The following KCNK10 variants were observed in gnomAD, a reference collection of about 807,000 sequenced individuals.
The protein encoded by KCNK10 is potassium two pore domain channel subfamily K member 10.
In KCNK10, 25 loss-of-function variants were observed where a neutral mutation model predicts 47.7. The ratio of observed to expected loss-of-function variants is 0.52; its 90% CI spans 0.38 to 0.73. The LOEUF is 0.73. Ranked by LOEUF, KCNK10 falls within the 30% of genes least tolerant of loss-of-function variation. KCNK10 has a pLI of 0.00. For synonymous variants in KCNK10, 303 were observed against 285.6 expected (o/e 1.06, Z -0.61); for missense variants, 563 against 714.5 (o/e 0.79, Z 2.42).
intron 2 of KCNK10, among the ~76,000 whole-genome samples, chr14:88,256,218 C>T (rs535410734): frequency 1.1e-4 from 16 of 152,248 alleles, no homozygotes; most frequent in African/African-American, 3.9e-4. Context: ...ATTAAAGGGG[C>T]CTGGCCCTTC....
At chr14:88,212,327 C>A (rs1184149686) in intron 4 of KCNK10, among the ~76,000 whole-genome samples, 1 of 151,514 alleles carries the variant, frequency 6.6e-6, no homozygotes. Flanking sequence ...GTAGTCCCAG[C>A]GATACAGGAG....
intron 4 of KCNK10, among the ~76,000 whole-genome samples, chr14:88,218,556 C>T (rs1208293784): frequency 7.0e-6 from 1 of 143,464 alleles, no homozygotes; most frequent in African/African-American, 2.5e-5. Context: ...GGGGGGAAAG[C>T]CAAAAAAAGA....
upstream of KCNK10, chr14:88,326,353 A>T: frequency 7.1e-7 from 1 of 1,414,986 alleles, no homozygotes; most frequent in Non-Finnish European, 1.0e-6. Context: ...CCTTTGGGCT[A>T]CTGCAATCCC....
At chr14:88,311,560 G>A (rs1253590310) in intron 1 of KCNK10, among the ~76,000 whole-genome samples, 1 of 152,162 alleles carries the variant, frequency 6.6e-6, no homozygotes, top group Admixed American at 6.5e-5. Flanking sequence ...ACCAGACTGT[G>A]AGTGCAGGAG....
At chr14:88,314,816 T>C (rs1044930358) in intron 1 of KCNK10, among the ~76,000 whole-genome samples, 4 of 152,232 alleles carry the variant, frequency 2.6e-5, no homozygotes, top group Non-Finnish European at 2.9e-5. Flanking sequence ...CTAAGAGCTT[T>C]GCATGTATCA....
chr14:88,258,774 T>C (rs1887030452), intron 2 of KCNK10, among the ~76,000 whole-genome samples: 1 of 152,282 alleles, frequency 6.6e-6, no homozygotes, highest in South Asian at 2.1e-4. Context: ...CCCATTACTC[T>C]CCTCTGGAGT....
chr14:88,190,610 T>A (rs766279402), intron 5 of KCNK10, among the ~76,000 whole-genome samples: 13 of 152,094 alleles, frequency 8.5e-5, no homozygotes, highest in Non-Finnish European at 1.5e-4. Context: ...TTAGTCACAC[T>A]GACTAAAAAT....
At chr14:88,212,384 G>A (rs1885489892) in intron 4 of KCNK10, among the ~76,000 whole-genome samples, 1 of 151,720 alleles carries the variant, frequency 6.6e-6, no homozygotes, top group African/African-American at 2.4e-5. Flanking sequence ...AGGTTGCGGT[G>A]AGCCAAGATC....
chr14:88,217,002 C>A (rs1352476008), intron 4 of KCNK10, among the ~76,000 whole-genome samples: 2 of 151,968 alleles, frequency 1.3e-5, no homozygotes, highest in African/African-American at 4.8e-5. Context: ...TAAAAATATA[C>A]AAAAATTAGC....
At chr14:88,301,498 A>T (rs1378253725) in intron 1 of KCNK10, among the ~76,000 whole-genome samples, 2 of 152,126 alleles carry the variant, frequency 1.3e-5, no homozygotes, top group Non-Finnish European at 2.9e-5. Context: ...TAGAGGCATG[A>T]TGCAGAGACT....
At chr14:88,238,294 T>G (rs1249029472) in intron 3 of KCNK10, among the ~76,000 whole-genome samples, 3 of 152,232 alleles carry the variant, frequency 2.0e-5, no homozygotes, top group Admixed American at 6.5e-5. Context: ...CACTACAATT[T>G]TCTCCATATC....
At chr14:88,214,283 T>C (rs2139855295) in intron 4 of KCNK10, among the ~76,000 whole-genome samples, 1 of 152,248 alleles carries the variant, frequency 6.6e-6, no homozygotes, top group African/African-American at 2.4e-5. Flanking sequence ...TGAGGCATTC[T>C]GATGAGCCCA....
chr14:88,252,070 T>C (rs1220634773), intron 2 of KCNK10, among the ~76,000 whole-genome samples: 1 of 152,176 alleles, frequency 6.6e-6, no homozygotes, highest in African/African-American at 2.4e-5. Flanking sequence ...ATATTTTATA[T>C]TTCAAACCAA....
At chr14:88,323,660 C>CGGCG (rs1178375687), upstream of KCNK10, 2 of 151,102 alleles carry the variant, frequency 1.3e-5, no homozygotes, top group Non-Finnish European at 3.0e-5. Flanking sequence ...CTCGGCCGGC[C>CGGCG]GGCGGGCGGG....
intron 4 of KCNK10, among the ~76,000 whole-genome samples, chr14:88,214,838 T>G (rs1885569054): frequency 6.6e-6 from 1 of 152,216 alleles, no homozygotes; most frequent in Non-Finnish European, 1.5e-5. Flanking sequence ...TTCTCTCAAC[T>G]AGCCATTTTT....
chr14:88,269,800 T>C (rs1195423259), intron 1 of KCNK10, among the ~76,000 whole-genome samples: 3 of 152,066 alleles, frequency 2.0e-5, no homozygotes, highest in South Asian at 2.1e-4. Flanking sequence ...TCTGCCCCCA[T>C]TGATAGATGA....
chr14:88,234,470 A>T (rs1006860227), intron 3 of KCNK10, among the ~76,000 whole-genome samples: 1 of 152,232 alleles, frequency 6.6e-6, no homozygotes, highest in Non-Finnish European at 1.5e-5. Context: ...TTAAAACAAA[A>T]GCAAAAACCT....
intron 4 of KCNK10, among the ~76,000 whole-genome samples, chr14:88,198,899 T>TATTTTATTTTATTTTA (rs1885009651): frequency 6.9e-6 from 1 of 144,656 alleles, no homozygotes; most frequent in Admixed American, 6.9e-5. Flanking sequence ...TGTCTTATTT[T>TATTTTATTTTATTTTA]ATTTTATTTT....
chr14:88,197,689 C>T (rs375892791), intron 4 of KCNK10, among the ~76,000 whole-genome samples: 7 of 136,372 alleles, frequency 5.1e-5, no homozygotes, highest in African/African-American at 1.6e-4. Context: ...TTGCTGTTAA[C>T]ATTTGAAGAT....
Sources: gnomAD v4.1 joint callset for allele counts (sites outside exome capture counted in the v4.1 genomes callset) on GRCh38, gnomAD v4.1.1 for gene constraint, MANE v1.5 for transcripts, NCBI Gene and HGNC (gene_info 2026-07-23, HGNC 2026-07-21) for gene names.